Variants in EYS observed in about 807,000 individuals in gnomAD.
The protein encoded by EYS is protein eyes shut homolog.
EYS carries 250 observed loss-of-function variants against 282.1 expected under a neutral mutation model. That is an observed-to-expected ratio of 0.89 (90% CI 0.80 to 0.98). The LOEUF is 0.98. Ranked by LOEUF, EYS falls within the 50% of genes least tolerant of loss-of-function variation. The pLI is 0.00. For synonymous variants in EYS, 1,355 were observed against 1,282.9 expected, an observed-to-expected ratio of 1.06 and a Z score of -1.20; for missense variants, 4,016 against 3,709.0, an observed-to-expected ratio of 1.08 and a Z score of -2.15.
chr6:65,230,742 A>C (rs1766750609), intron 12 of EYS, among the ~76,000 whole-genome samples: 1 of 151,722 alleles, frequency 6.6e-6, no homozygotes, highest in African/African-American at 2.4e-5. Context: ...TCAGAGAGTA[A>C]GGCCTGAAAT....
intron 3 of EYS, 116 bp downstream of exon 3, chr6:65,495,730 CTGGGGACCTTCTT>C: frequency 2.7e-6 from 1 of 370,182 alleles, no homozygotes; most frequent in East Asian, 5.8e-5. Context: ...TCACCAGCAG[CTGGGGACCTTCTT>C]TGGGAAAGAA....
chr6:65,387,989 A>T (rs1283564295), intron 7 of EYS, among the ~76,000 whole-genome samples: 1 of 151,966 alleles, frequency 6.6e-6, no homozygotes, highest in Non-Finnish European at 1.5e-5. Context: ...GTAAATTAAG[A>T]TTTATTCTTA....
At chr6:65,079,104 T>A (rs1363657082) in intron 12 of EYS, among the ~76,000 whole-genome samples, 1 of 152,040 alleles carries the variant, frequency 6.6e-6, no homozygotes, top group African/African-American at 2.4e-5. Flanking sequence ...TTTATAGCAA[T>A]GCAAGAATAG....
chr6:64,133,995 G>C (rs80292953), intron 31 of EYS, among the ~76,000 whole-genome samples: 5,973 of 152,088 alleles, frequency 0.039, 337 homozygotes, highest in African/African-American at 0.13. Context: ...AAAGATCTAG[G>C]AAGAGTGAAT....
chr6:64,863,723 G>A (rs1356582093), intron 19 of EYS, among the ~76,000 whole-genome samples: 1 of 152,038 alleles, frequency 6.6e-6, no homozygotes, highest in Non-Finnish European at 1.5e-5. Context: ...ACACTCTGTG[G>A]ACTCTAAACC....
chr6:64,534,522 T>C (rs1161915204), intron 26 of EYS, among the ~76,000 whole-genome samples: 1 of 152,134 alleles, frequency 6.6e-6, no homozygotes, highest in African/African-American at 2.4e-5. Flanking sequence ...GATTTCATTT[T>C]TTTCTGTATT....
intron 2 of EYS, among the ~76,000 whole-genome samples, chr6:65,604,536 T>G (rs6919704): frequency 0.36 from 54,224 of 151,850 alleles, 12,083 homozygotes; most frequent in Non-Finnish European, 0.49. Context: ...TTATACATGT[T>G]TATATATTTG....
At chr6:65,159,224 A>G (rs9453210) in intron 12 of EYS, among the ~76,000 whole-genome samples, 4,274 of 150,970 alleles carry the variant, frequency 0.028, 157 homozygotes, top group African/African-American at 0.086. Flanking sequence ...GAGATCCATT[A>G]TAGATAGCTT....
intron 36 of EYS, among the ~76,000 whole-genome samples, chr6:63,854,812 G>A (rs1200706171): frequency 6.6e-6 from 1 of 152,088 alleles, no homozygotes; most frequent in Non-Finnish European, 1.5e-5. Context: ...CTCAAATTAT[G>A]TTTGGAAGAT....
At chr6:64,392,501 A>G (rs1773191368) in intron 28 of EYS, among the ~76,000 whole-genome samples, 1 of 151,770 alleles carries the variant, frequency 6.6e-6, no homozygotes, top group African/African-American at 2.4e-5. Context: ...CTACATGGAA[A>G]CTGAACAACC....
At chr6:63,783,074 T>C (rs1186292856) in intron 39 of EYS, among the ~76,000 whole-genome samples, 1 of 152,024 alleles carries the variant, frequency 6.6e-6, no homozygotes, top group African/African-American at 2.4e-5. Flanking sequence ...AAAATTGAAC[T>C]CACAAGAAAC....
chr6:65,427,813 A>G (rs1214542994), intron 5 of EYS, among the ~76,000 whole-genome samples: 1 of 152,080 alleles, frequency 6.6e-6, no homozygotes, highest in Non-Finnish European at 1.5e-5. Context: ...GATTTATTAT[A>G]TTCAGGATAT....
chr6:64,196,287 CTG>C (rs1765285993), intron 31 of EYS, among the ~76,000 whole-genome samples: 1 of 152,222 alleles, frequency 6.6e-6, no homozygotes. Flanking sequence ...CGCTTTTACA[CTG>C]TTGGTGGGAC....
At chr6:64,146,023 ATT>A (rs369277120) in intron 31 of EYS, among the ~76,000 whole-genome samples, 1,743 of 150,060 alleles carry the variant, frequency 0.012, 34 homozygotes, top group African/African-American at 0.04. Context: ...AAAATATACC[ATT>A]TTTTTTTCAT....
intron 12 of EYS, among the ~76,000 whole-genome samples, chr6:65,181,984 C>T (rs1046490123): frequency 1.3e-5 from 2 of 151,902 alleles, no homozygotes; most frequent in African/African-American, 2.4e-5. Flanking sequence ...CACATGTTCT[C>T]ACTCATAGGT....
At chr6:63,932,915 G>A (rs1192384290) in intron 35 of EYS, among the ~76,000 whole-genome samples, 1 of 152,224 alleles carries the variant, frequency 6.6e-6, no homozygotes, top group Non-Finnish European at 1.5e-5. Flanking sequence ...GCTGTGACCT[G>A]CTTCTGACCA....
At chr6:63,989,760 T>C (rs1210210368) in intron 34 of EYS, among the ~76,000 whole-genome samples, 5 of 151,574 alleles carry the variant, frequency 3.3e-5, no homozygotes, top group South Asian at 2.1e-4. Context: ...TTTTGCTAGA[T>C]TCAGCACATG....
intron 33 of EYS, among the ~76,000 whole-genome samples, chr6:64,063,707 T>C (rs1384947338): frequency 6.6e-6 from 1 of 151,948 alleles, no homozygotes; most frequent in Admixed American, 6.6e-5. Flanking sequence ...TATGCCATGG[T>C]TTTTTCTAGC....
chr6:63,879,748 C>T (rs1379753318), intron 35 of EYS, among the ~76,000 whole-genome samples: 1 of 152,142 alleles, frequency 6.6e-6, no homozygotes, highest in East Asian at 1.9e-4. Context: ...AGTATTTCAG[C>T]TCGTTTCCAT....
Sources: gnomAD v4.1 joint callset for allele counts (sites outside exome capture counted in the v4.1 genomes callset) on GRCh38, gnomAD v4.1.1 for gene constraint, MANE v1.5 for transcripts, NCBI Gene and HGNC (gene_info 2026-07-23, HGNC 2026-07-21) for gene names.